NEBL: variants seen among roughly 807,000 people sequenced by gnomAD.
NEBL encodes the protein nebulette, also known as LIM and SH3 protein 2.
Under a neutral mutation model 140.2 loss-of-function variants are expected in NEBL, and 122 were observed. That is an observed-to-expected ratio of 0.87 (90% confidence interval 0.75 to 1.01). NEBL has a LOEUF of 1.01. Ranked by LOEUF, NEBL falls within the 50% of genes least tolerant of loss-of-function variation. The probability of loss-of-function intolerance (pLI) is 0.00; values close to 1 mark genes in which losing one functional copy is unlikely to be tolerated. For missense variants in NEBL, 1,365 were observed against 1,231.3 expected (o/e 1.11, Z -1.62); for synonymous variants, 436 against 398.9 (o/e 1.09, Z -1.11).
intron 2 of NEBL, chr10:21,146,704 C>T (rs1839910039): frequency 3.8e-6 from 2 of 523,344 alleles, no homozygotes; most frequent in African/African-American, 3.8e-5. Context: ...AAAAGAATTG[C>T]AATGCCCTGG....
chr10:20,825,976 C>T (rs1378217208), intron 18 of NEBL, among the ~76,000 whole-genome samples: 2 of 152,144 alleles, frequency 1.3e-5, no homozygotes, highest in Non-Finnish European at 2.9e-5. Flanking sequence ...TGATAAAAAG[C>T]TTAGAGATGT....
chr10:20,791,833 G>A (rs1316825970), intron 26 of NEBL, among the ~76,000 whole-genome samples: 1 of 152,176 alleles, frequency 6.6e-6, no homozygotes, highest in Non-Finnish European at 1.5e-5. Flanking sequence ...GTTCACTGGG[G>A]GGGATGTACG....
chr10:20,948,843 A>T (rs560396611), intron 4 of NEBL, among the ~76,000 whole-genome samples: 4 of 152,274 alleles, frequency 2.6e-5, no homozygotes, highest in African/African-American at 9.6e-5. Flanking sequence ...CACTGAGGGG[A>T]TGTCCCAGTG....
intron 4 of NEBL, among the ~76,000 whole-genome samples, chr10:20,920,787 A>C (rs2131499121): frequency 6.6e-6 from 1 of 152,286 alleles, no homozygotes; most frequent in African/African-American, 2.4e-5. Context: ...AGAATACAAA[A>C]CAAAGCAAAC....
chr10:20,856,969 T>C (rs1207056237), intron 9 of NEBL, among the ~76,000 whole-genome samples: 4 of 151,988 alleles, frequency 2.6e-5, no homozygotes, highest in Non-Finnish European at 5.9e-5. Context: ...GCTGGGATTA[T>C]AGATGCCCAC....
chr10:20,871,101 T>C (rs1221838281), intron 5 of NEBL, among the ~76,000 whole-genome samples: 4 of 152,220 alleles, frequency 2.6e-5, no homozygotes, highest in African/African-American at 9.6e-5. Context: ...TCATGGACAT[T>C]CTTAAAACCC....
chr10:21,277,020 T>G (rs543051939), intron 1 of NEBL, among the ~76,000 whole-genome samples: 1 of 151,808 alleles, frequency 6.6e-6, no homozygotes, highest in Admixed American at 6.6e-5. Context: ...TTCCAGCTAC[T>G]TGGGAGGCTG....
intron 3 of NEBL, among the ~76,000 whole-genome samples, chr10:20,987,151 G>T (rs371805745): frequency 1.3e-5 from 2 of 151,552 alleles, no homozygotes; most frequent in Non-Finnish European, 2.9e-5. Context: ...TATCTGTACC[G>T]ACCGTTATGG....
intron 4 of NEBL, among the ~76,000 whole-genome samples, chr10:20,925,124 G>A (rs1035205619): frequency 6.6e-6 from 1 of 152,090 alleles, no homozygotes; most frequent in Non-Finnish European, 1.5e-5. Context: ...GGCTCCTTTT[G>A]TAGAGACAAA....
chr10:20,995,612 CGAAAT>C (rs1564474089), intron 3 of NEBL, among the ~76,000 whole-genome samples: 1 of 152,152 alleles, frequency 6.6e-6, no homozygotes. Flanking sequence ...GCTGGAGAAA[CGAAAT>C]GAACTCCCAA....
intron 2 of NEBL, among the ~76,000 whole-genome samples, chr10:20,896,599 T>A (rs1847517759): frequency 6.6e-6 from 1 of 150,394 alleles, no homozygotes; most frequent in African/African-American, 2.4e-5. Context: ...ACTATTCATT[T>A]AGATAGAGGG....
intron 3 of NEBL, among the ~76,000 whole-genome samples, chr10:20,970,661 T>A (rs1168931393): frequency 6.6e-6 from 1 of 151,496 alleles, no homozygotes; most frequent in African/African-American, 2.4e-5. Flanking sequence ...AAAAAAAAAA[T>A]TAATAGAATA....
intron 9 of NEBL, among the ~76,000 whole-genome samples, chr10:20,853,852 A>C (rs1842788431): frequency 1.3e-5 from 2 of 152,176 alleles, no homozygotes. Flanking sequence ...AGTTAACAAT[A>C]ATTTATTGTA....
intron 2 of NEBL, among the ~76,000 whole-genome samples, chr10:21,110,126 C>T (rs1837924128): frequency 6.6e-6 from 1 of 152,162 alleles, no homozygotes; most frequent in Non-Finnish European, 1.5e-5. Context: ...TTCCTGTTTT[C>T]TCCTGTGGAC....
chr10:21,044,406 A>AT (rs1172052812), intron 2 of NEBL, among the ~76,000 whole-genome samples: 8 of 146,134 alleles, frequency 5.5e-5, no homozygotes, highest in Non-Finnish European at 1.2e-4. Context: ...ATAAAAAAAA[A>AT]AAAAAAAAAA....
chr10:21,111,742 A>G (rs982363071), intron 2 of NEBL, among the ~76,000 whole-genome samples: 2 of 151,356 alleles, frequency 1.3e-5, no homozygotes, highest in African/African-American at 4.9e-5. Context: ...GACAAATGGG[A>G]TCTAATTAAA....
At chr10:20,851,502 G>A (rs1274497239) in intron 10 of NEBL, among the ~76,000 whole-genome samples, 2 of 152,040 alleles carry the variant, frequency 1.3e-5, no homozygotes, top group Admixed American at 6.6e-5. Context: ...ATGGCCGGGT[G>A]CAGTGGCTCA....
In NEBL at chr10:20,813,924, C is replaced by G; in HGVS notation, c.2346+15G>C. ...TTCCTTAGCATGTTTTAAGAATGAT[C>G]TGGTTGGACCCTACCATTGAAATAT... On this transcript the variant is annotated intron_variant, in intron 23 of 27. Coordinates refer to ENST00000377122, the MANE Select transcript of NEBL (RefSeq NM_006393.3). The G allele has an allele frequency of 6.7e-7, 1 of 1,492,294 alleles. No individual in the cohort carries two copies. The highest frequency in any genetic ancestry group is 9.4e-7 in the Non-Finnish European group (1 of 1,069,314). The allele number at this position is 1,492,294 out of a possible 1,614,324, so 92.4% of individuals were successfully genotyped here.
chr10:21,274,384 AT>A (rs1842894130), intron 1 of NEBL, among the ~76,000 whole-genome samples: 1 of 152,142 alleles, frequency 6.6e-6, no homozygotes, highest in Non-Finnish European at 1.5e-5. Flanking sequence ...CATATTTCCT[AT>A]GTTCTATGCA....
Sources: allele counts gnomAD v4.1 joint callset (sites outside exome capture counted in the v4.1 genomes callset), GRCh38; gene constraint gnomAD v4.1.1; transcripts MANE v1.5; gene names NCBI Gene and HGNC (gene_info 2026-07-23, HGNC 2026-07-21).